TENM3: variants seen among roughly 807,000 people sequenced by gnomAD.
TENM3 encodes teneurin-3.
A neutral mutation model predicts 255.1 loss-of-function variants in TENM3; 63 were observed. The observed-to-expected ratio is 0.25, with a 90% CI of 0.20 to 0.30. The LOEUF is 0.30. TENM3 is among the 10% of genes least tolerant of loss of function. The probability of loss-of-function intolerance (pLI) is 1.00; values close to 1 mark genes in which losing one functional copy is unlikely to be tolerated. For synonymous variants in TENM3, 1,306 were observed against 1,322.3 expected (o/e 0.99, Z 0.27); for missense variants, 2,929 against 3,461.1 (o/e 0.85, Z 3.86).
intron 1 of TENM3, among the ~76,000 whole-genome samples, chr4:182,237,520 G>A (rs1343425436): frequency 6.6e-6 from 1 of 152,032 alleles, no homozygotes; most frequent in Admixed American, 6.6e-5. Flanking sequence ...CACCCATCAT[G>A]CCTGGCTACG....
chr4:182,421,152 T>A (rs1386570221), intron 3 of TENM3, among the ~76,000 whole-genome samples: 1 of 152,162 alleles, frequency 6.6e-6, no homozygotes, highest in Non-Finnish European at 1.5e-5. Flanking sequence ...AAATCCACAT[T>A]TCTCTGAGCC....
chr4:182,363,709 GAT>G (rs1422106297), intron 3 of TENM3, among the ~76,000 whole-genome samples: 5 of 152,062 alleles, frequency 3.3e-5, no homozygotes, highest in African/African-American at 9.7e-5. Context: ...AAGCCAGAGT[GAT>G]AGTTATTATT....
chr4:181,855,833 G>A, the TENM3 span, among the ~76,000 whole-genome samples: 10 of 151,164 alleles, frequency 6.6e-5, no homozygotes, highest in Admixed American at 6.6e-4. Flanking sequence ...GGGAGAGGAT[G>A]GAAGGAAAGA....
chr4:182,651,520 G>A (rs1381254926), intron 5 of TENM3, among the ~76,000 whole-genome samples: 4 of 151,852 alleles, frequency 2.6e-5, no homozygotes, highest in South Asian at 2.1e-4. Flanking sequence ...GTGAAACCCC[G>A]TCTGTAATAA....
At chr4:182,037,941 C>A in the TENM3 span, among the ~76,000 whole-genome samples, 1 of 152,290 alleles carries the variant, frequency 6.6e-6, no homozygotes, top group African/African-American at 2.4e-5. Flanking sequence ...AAGCCATCCT[C>A]CCACGTTAGC....
At chr4:181,464,835 C>G in the TENM3 span, among the ~76,000 whole-genome samples, 2 of 152,118 alleles carry the variant, frequency 1.3e-5, no homozygotes, top group Admixed American at 6.5e-5. Context: ...CCTGTAATCT[C>G]AGCTACTTGG....
intron 3 of TENM3, among the ~76,000 whole-genome samples, chr4:182,416,087 T>G (rs74743138): frequency 6.6e-6 from 1 of 152,332 alleles, no homozygotes; most frequent in East Asian, 1.9e-4. Flanking sequence ...TATGGTTAGT[T>G]GCTATAATAT....
chr4:182,016,315 T>C, the TENM3 span, among the ~76,000 whole-genome samples: 7 of 152,240 alleles, frequency 4.6e-5, no homozygotes, highest in Admixed American at 4.6e-4. Context: ...TTTTACCCAA[T>C]TGACAAAAAT....
the TENM3 span, among the ~76,000 whole-genome samples, chr4:181,751,364 GTT>G: frequency 1.4e-5 from 2 of 142,608 alleles, no homozygotes; most frequent in Non-Finnish European, 3.0e-5. Context: ...TGATGTTAAA[GTT>G]AGAATCGTTT....
chr4:182,660,194 T>G (rs1400687204), intron 6 of TENM3, among the ~76,000 whole-genome samples: 2 of 152,234 alleles, frequency 1.3e-5, no homozygotes, highest in African/African-American at 4.8e-5. Context: ...ATCCTGTCTG[T>G]TCTTTCACTG....
chr4:182,659,460 G>C (rs1044353915), intron 6 of TENM3, among the ~76,000 whole-genome samples: 1 of 152,132 alleles, frequency 6.6e-6, no homozygotes, highest in African/African-American at 2.4e-5. Context: ...TATATATAGG[G>C]TTTGATATTA....
chr4:181,467,493 G>C, the TENM3 span, among the ~76,000 whole-genome samples: 2 of 151,722 alleles, frequency 1.3e-5, no homozygotes, highest in African/African-American at 4.8e-5. Context: ...AGCATATTAT[G>C]ACAGATATCT....
chr4:182,726,652 C>T (rs1209060337), intron 13 of TENM3, among the ~76,000 whole-genome samples: 1 of 152,152 alleles, frequency 6.6e-6, no homozygotes, highest in African/African-American at 2.4e-5. Context: ...AGGCCGGATA[C>T]GCAAACGAAA....
At chr4:181,550,109 T>A in the TENM3 span, among the ~76,000 whole-genome samples, 3 of 152,146 alleles carry the variant, frequency 2.0e-5, no homozygotes, top group East Asian at 5.8e-4. Flanking sequence ...AGAGTAACAG[T>A]GTATGGGAGA....
chr4:181,884,576 G>T, the TENM3 span, among the ~76,000 whole-genome samples: 1 of 151,994 alleles, frequency 6.6e-6, no homozygotes, highest in Non-Finnish European at 1.5e-5. Context: ...TTTGCATCTG[G>T]ATTATTTAAC....
chr4:181,956,312 A>T, the TENM3 span, among the ~76,000 whole-genome samples: 1 of 152,230 alleles, frequency 6.6e-6, no homozygotes, highest in Non-Finnish European at 1.5e-5. Context: ...CATAGCACTT[A>T]GTAATTGAAA....
chr4:181,769,833 C>T, the TENM3 span, among the ~76,000 whole-genome samples: 1 of 152,178 alleles, frequency 6.6e-6, no homozygotes, highest in African/African-American at 2.4e-5. Flanking sequence ...TCATTTACTA[C>T]ACCCCTTTTG....
At chr4:182,527,676 C>T (rs889158479) in intron 3 of TENM3, among the ~76,000 whole-genome samples, 2 of 152,048 alleles carry the variant, frequency 1.3e-5, no homozygotes, top group African/African-American at 4.8e-5. Flanking sequence ...GATTTTCTCA[C>T]CTGTGTAAAT....
chr4:181,730,652 A>G, the TENM3 span, among the ~76,000 whole-genome samples: 4 of 152,282 alleles, frequency 2.6e-5, no homozygotes, highest in Admixed American at 2.0e-4. Flanking sequence ...TTGATTTATA[A>G]TTTCTCAGGA....
Sources: gnomAD v4.1 joint callset for allele counts (sites outside exome capture counted in the v4.1 genomes callset) on GRCh38, gnomAD v4.1.1 for gene constraint, MANE v1.5 for transcripts, NCBI Gene and HGNC (gene_info 2026-07-23, HGNC 2026-07-21) for gene names.